The following CUL4B variants were observed in gnomAD, a reference collection of about 807,000 sequenced individuals.
CUL4B encodes the protein cullin-4B.
Under a neutral mutation model 69.2 loss-of-function variants are expected in CUL4B, and 1 was observed. The ratio of observed to expected loss-of-function variants is 0.01; its 90% confidence interval spans 0.01 to 0.07. CUL4B has a LOEUF of 0.07. CUL4B is among the 10% of genes least tolerant of loss of function. CUL4B has a pLI of 1.00. For synonymous variants in CUL4B, 237 were observed against 223.2 expected, an observed-to-expected ratio of 1.06 and a Z score of -0.55; for missense variants, 328 against 638.8, an observed-to-expected ratio of 0.51 and a Z score of 5.24.
chrX:120,537,136 C>T, intron 14 of CUL4B, 102 bp from the exon 15 acceptor site: 5 of 593,689 alleles, frequency 8.4e-6, no homozygotes, highest in Non-Finnish European at 1.4e-5. Context: ...TACATGCAAA[C>T]ACTGACCATC....
chrX:120,541,550 T>C, intron 10 of CUL4B, 52 bp downstream of exon 10: 5 of 831,888 alleles, frequency 6.0e-6, no homozygotes, highest in Non-Finnish European at 9.1e-6. Flanking sequence ...TATGCACTCT[T>C]GATGTGTAGA....
intron 2 of CUL4B, among the ~76,000 whole-genome samples, chrX:120,554,855 T>G (rs929213464): frequency 4.5e-5 from 5 of 112,153 alleles, no homozygotes; most frequent in African/African-American, 1.6e-4. Context: ...TACGTTTCAA[T>G]GAGTCAAAAT....
intron 5 of CUL4B, 140 bp downstream of exon 5, chrX:120,545,304 T>C: frequency 6.1e-6 from 3 of 494,433 alleles, no homozygotes; most frequent in Non-Finnish European, 1.1e-5. Context: ...ATTAGGAAGA[T>C]AAAACTGCTA....
At chrX:120,535,702 CTCAAAA>C in intron 16 of CUL4B, 122 bp downstream of exon 16, 2 of 323,824 alleles carry the variant, frequency 6.2e-6, no homozygotes, top group Non-Finnish European at 1.0e-5. Flanking sequence ...GAGACTCTGT[CTCAAAA>C]AAAAAAAAAA....
intron 18 of CUL4B, among the ~76,000 whole-genome samples, chrX:120,530,676 A>G (rs1477743988): frequency 8.9e-6 from 1 of 112,065 alleles, no homozygotes; most frequent in Non-Finnish European, 1.9e-5. Flanking sequence ...GACTCAAGGC[A>G]TGGTATTAAC....
intron 2 of CUL4B, among the ~76,000 whole-genome samples, chrX:120,572,731 T>C (rs1925752029): frequency 9.0e-6 from 1 of 111,692 alleles, no homozygotes; most frequent in Non-Finnish European, 1.9e-5. Flanking sequence ...TGAACATCTT[T>C]CCTTGTCACT....
intron 3 of CUL4B, among the ~76,000 whole-genome samples, 196 bp from the exon 4 acceptor site, chrX:120,546,812 A>C (rs182138492): frequency 1.8e-5 from 2 of 112,481 alleles, no homozygotes; most frequent in Non-Finnish European, 3.8e-5. Context: ...AAACACCTTT[A>C]AAAACAAGTC....
intron 2 of CUL4B, among the ~76,000 whole-genome samples, chrX:120,552,693 T>A (rs192643572): frequency 0.03 from 3,285 of 110,197 alleles, 57 homozygotes; most frequent in Middle Eastern, 0.057. Context: ...AGTCAAAAAA[T>A]ATATATAAAC....
At position 120,524,574 on chromosome X, in the gene CUL4B, C is replaced by A; in HGVS notation, c.*2187G>T. 8.9e-6 allele frequency: 1 copy of A among 112,088 alleles called. No individual in the cohort carries two copies. The highest frequency in any genetic ancestry group is 2.8e-4 in the East Asian group (1 of 3,593). 9.2% of individuals were successfully genotyped at this position (112,088 alleles called of 1,213,427 possible). A position where few individuals can be genotyped will look rare whatever the true frequency, so the allele number is the denominator to read the frequency against. On this transcript the variant is annotated 3_prime_UTR_variant, in exon 20 of 20. Coordinates refer to ENST00000371322, the MANE Select transcript of CUL4B (RefSeq NM_001079872.2). ...TTAAGTCCTGTGATTTTATAACTTT[C>A]TTACAATACTTGAATTTTAAAGATC...
exon 3 of CUL4B, chrX:120,571,694 C>T (rs1181770172): frequency 4.5e-5 from 5 of 110,972 alleles, no homozygotes; most frequent in Non-Finnish European, 9.4e-5. Flanking sequence ...TTACAGGTGA[C>T]CCTTGAACAA....
In CUL4B at chrX:120,535,900, T is replaced by C; in HGVS notation, c.2090A>G (p.Lys697Arg). ...QEIFKTFYLG[K>R]HSGRKLQWQS... ...CCACTGAAGTTTCCTGCCACTATGT[T>C]TGCCTAGGTAAAATGTCTTGAAAAT... The change falls in exon 16 of 20, where the codon AAA (lysine) becomes AGA (arginine). Residue 697 changes from lysine to arginine, a missense_variant. Transcript: ENST00000371322. The C allele has an allele frequency of 8.3e-7, 1 of 1,206,502 alleles. No individual in the cohort carries two copies. Among genetic ancestry groups the C allele is most frequent in the Non-Finnish European group, 1.1e-6 (1 of 891,154 alleles).
chrX:120,568,912 T>C (rs771906839), downstream of CUL4B, among the ~76,000 whole-genome samples: 1 of 111,839 alleles, frequency 8.9e-6, no homozygotes, highest in East Asian at 2.8e-4. Flanking sequence ...TCTCAAGTAG[T>C]AGACATGTTA....
At chrX:120,568,788 A>C (rs766490306), downstream of CUL4B, among the ~76,000 whole-genome samples, 48 of 112,102 alleles carry the variant, frequency 4.3e-4, 1 homozygote, top group Non-Finnish European at 3.9e-4. Flanking sequence ...AAAGGAAGTT[A>C]AAATTATTTG....
upstream of CUL4B, among the ~76,000 whole-genome samples, chrX:120,561,960 C>T (rs1186316255): frequency 1.8e-5 from 2 of 111,256 alleles, no homozygotes. Flanking sequence ...ATTTTGATGC[C>T]TTTCTCTTTC....
At chrX:120,549,564 A>T (rs1045568252) in intron 2 of CUL4B, among the ~76,000 whole-genome samples, 2 of 111,222 alleles carry the variant, frequency 1.8e-5, no homozygotes, top group African/African-American at 3.3e-5. Context: ...AAAAAAGAAG[A>T]GAAGAGCAGA....
chrX:120,574,639 G>A, intron 1 of CUL4B: 1 of 1,140,256 alleles, frequency 8.8e-7, no homozygotes, highest in Non-Finnish European at 1.2e-6. Context: ...GTCTACGATA[G>A]AAAACAGAGA....
intron 2 of CUL4B, among the ~76,000 whole-genome samples, chrX:120,548,690 C>T (rs1321094225): frequency 9.1e-5 from 10 of 109,405 alleles, no homozygotes; most frequent in Admixed American, 8.9e-4. Context: ...AAAAATTAGC[C>T]GGACATGGTG....
At chrX:120,561,288 A>T, upstream of CUL4B, 1 of 536,420 alleles carries the variant, frequency 1.9e-6, no homozygotes, top group Non-Finnish European at 3.4e-6. Context: ...CTTTCCTGGC[A>T]GCGCCTTCCT....
At position 120,560,677 on chromosome X, in the gene CUL4B, C is replaced by T. The variant is rs772008521; in HGVS notation, c.-39G>A. On this transcript the variant is annotated 5_prime_UTR_variant, in exon 1 of 20. Transcript: ENST00000371322. The stretch of plus-strand genomic sequence containing the variant: ...TCAACAGGCAGAGGAGCATCAAAAA[C>T]CTACGTTTATATGCCTGCGTGCGTG... 8.4e-7 allele frequency: 1 copy of T among 1,189,434 alleles called. No individual in the cohort carries two copies.
Sources: gnomAD v4.1 joint callset for allele counts (sites outside exome capture counted in the v4.1 genomes callset) on GRCh38, gnomAD v4.1.1 for gene constraint, MANE v1.5 for transcripts, NCBI Gene and HGNC (gene_info 2026-07-23, HGNC 2026-07-21) for gene names.